Variants in BCAS3 observed in about 807,000 individuals in gnomAD.
BCAS3 encodes BCAS3 microtubule associated cell migration factor, also known as BCAS4/BCAS3 fusion.
Under a neutral mutation model 116.1 loss-of-function variants are expected in BCAS3, and 53 were observed. That is an observed-to-expected ratio of 0.46 (90% confidence interval 0.37 to 0.57). The LOEUF (loss-of-function observed/expected upper bound fraction) is 0.57. BCAS3 is among the 20% of genes least tolerant of loss of function. The pLI, the probability that BCAS3 is intolerant of heterozygous loss-of-function variation, is 0.00. For synonymous variants in BCAS3, 391 were observed against 408.2 expected (o/e 0.96, Z 0.51); for missense variants, 917 against 1,165.4 (o/e 0.79, Z 3.10).
intron 22 of BCAS3, among the ~76,000 whole-genome samples, chr17:61,322,812 G>C (rs913946237): frequency 1.5e-5 from 2 of 131,358 alleles, no homozygotes; most frequent in East Asian, 2.1e-4. Context: ...GAGAGAGAGA[G>C]AGAGAGAGAG....
At chr17:60,943,547 C>A (rs751568508) in intron 13 of BCAS3, among the ~76,000 whole-genome samples, 7 of 152,008 alleles carry the variant, frequency 4.6e-5, no homozygotes, top group Non-Finnish European at 1.0e-4. Flanking sequence ...TGTGTATGAA[C>A]CTTGCTCTAA....
At chr17:61,025,438 A>G (rs1193656149) in intron 16 of BCAS3, among the ~76,000 whole-genome samples, 1 of 152,086 alleles carries the variant, frequency 6.6e-6, no homozygotes, top group Admixed American at 6.6e-5. Flanking sequence ...CTGCATTGTA[A>G]CATAATCTCA....
intron 19 of BCAS3, among the ~76,000 whole-genome samples, chr17:61,047,963 A>G (rs562648143): frequency 6.6e-6 from 1 of 152,044 alleles, no homozygotes; most frequent in Non-Finnish European, 1.5e-5. Context: ...GTTCCTCTGT[A>G]AACTTACTGA....
chr17:61,022,171 C>T (rs982286617), intron 16 of BCAS3, among the ~76,000 whole-genome samples: 2 of 152,148 alleles, frequency 1.3e-5, no homozygotes, highest in African/African-American at 4.8e-5. Context: ...AGTACTTAAA[C>T]CACACCATAC....
At position 61,344,916 on chromosome 17, in the gene BCAS3, TACACAC is replaced by T. The variant is rs143541906; in HGVS notation, c.2426-23399_2426-23394del. The stretch of plus-strand genomic sequence containing the variant: ...TATTTTATGATTCCTGGATCGGAAA[TACACAC>T]ACACACACACATACACACACACACA... On this transcript the variant is annotated intron_variant, in intron 22 of 23. Coordinates refer to ENST00000407086, the MANE Select transcript of BCAS3 (RefSeq NM_017679.5). This position sits in a 1 kb window ranked among gnomAD's most constrained non-coding sequence, Gnocchi z 4.1. Among the ~76,000 whole-genome samples, 1 of 149,966 alleles carries T rather than the reference TACACAC, an allele frequency of 6.7e-6. No homozygotes were observed. The highest frequency in any genetic ancestry group is 1.5e-5 in the Non-Finnish European group (1 of 67,408).
At chr17:60,746,728 CAATT>C (rs1224942578) in intron 5 of BCAS3, among the ~76,000 whole-genome samples, 4 of 152,114 alleles carry the variant, frequency 2.6e-5, no homozygotes, top group African/African-American at 9.7e-5. Flanking sequence ...GGTTAACAGA[CAATT>C]AGTTGCCTAA....
rs771204621 is a variant in BCAS3, at chr17:61,381,970, A to C, written c.2594-10007A>C. ...CTGGGTAGCAGCCACAGCCGCAATA[A>C]GTCATTAACTTTCAGGACAGCTTGT... On this transcript the variant is annotated intron_variant, in intron 23 of 23. Transcript: ENST00000407086. The surrounding 1 kb of genome is among the most constrained non-coding windows in gnomAD (Gnocchi z 6.0). Among the ~76,000 whole-genome samples the C allele has an allele frequency of 5.9e-5, 9 of 152,198 alleles. No individual in the cohort carries two copies. The highest frequency in any genetic ancestry group is 1.2e-4 in the Non-Finnish European group (8 of 68,046).
intron 19 of BCAS3, among the ~76,000 whole-genome samples, chr17:61,042,754 G>A (rs977634584): frequency 2.6e-5 from 4 of 151,304 alleles, no homozygotes; most frequent in African/African-American, 9.7e-5. Flanking sequence ...GCCGGGTGTG[G>A]TGGTGCATGC....
At chr17:61,080,444 T>TCTTCTTAAAGAATGAA (rs1290318730) in intron 21 of BCAS3, among the ~76,000 whole-genome samples, 3 of 152,012 alleles carry the variant, frequency 2.0e-5, no homozygotes, top group Admixed American at 2.0e-4. Flanking sequence ...GACTGATGTA[T>TCTTCTTAAAGAATGAA]CTTCTTAAAG....
chr17:60,941,040 G>C (rs1472210361), intron 13 of BCAS3, among the ~76,000 whole-genome samples: 1 of 152,186 alleles, frequency 6.6e-6, no homozygotes, highest in Non-Finnish European at 1.5e-5. Flanking sequence ...TCAGTCTCCA[G>C]CTACCTCAGA....
chr17:61,221,186 C>T (rs183181698), intron 22 of BCAS3, among the ~76,000 whole-genome samples: 5 of 152,242 alleles, frequency 3.3e-5, no homozygotes, highest in African/African-American at 9.6e-5. Context: ...TGTTTCTCTA[C>T]ATCACTTTCC....
chr17:60,858,617 A>G (rs35768567), intron 7 of BCAS3, among the ~76,000 whole-genome samples: 8 of 152,172 alleles, frequency 5.3e-5, no homozygotes, highest in Non-Finnish European at 8.8e-5. Context: ...TAAAATACCT[A>G]GTTGTGACAT....
At chr17:61,111,671 T>C (rs1356723851) in intron 22 of BCAS3, among the ~76,000 whole-genome samples, 2 of 142,920 alleles carry the variant, frequency 1.4e-5, no homozygotes, top group South Asian at 2.4e-4. Context: ...TGCAGGATAT[T>C]ATCCAGGAGA....
At chr17:61,016,030 G>A (rs553118191) in intron 16 of BCAS3, 129 bp downstream of exon 16, 4 of 980,900 alleles carry the variant, frequency 4.1e-6, no homozygotes, top group African/African-American at 3.3e-5. Flanking sequence ...AGACTTAATG[G>A]CATCAGATTA....
rs77251612 is a variant in BCAS3, at chr17:60,910,176, T to C, written c.823-356T>C. Among the ~76,000 whole-genome samples the C allele has an allele frequency of 1.9e-3, 286 of 152,304 alleles. 1 individual carries two copies. The highest frequency in any genetic ancestry group is 9.5e-3 in the East Asian group (49 of 5,182). ...ATTTCATAGTTTCTACTTCTTCCTA[T>C]GTCATTGATTTTAAGATGTATACAT... On this transcript the variant is annotated intron_variant, in intron 11 of 23. Coordinates refer to ENST00000407086, the MANE Select transcript of BCAS3 (RefSeq NM_017679.5).
Position 61,367,568 on chromosome 17 carries a change from A to G in BCAS3, c.2426-759A>G, listed in dbSNP as rs951451588. On this transcript the variant is annotated intron_variant, in intron 22 of 23. Coordinates refer to ENST00000407086, the MANE Select transcript of BCAS3 (RefSeq NM_017679.5). The surrounding 1 kb of genome is among the most constrained non-coding windows in gnomAD (Gnocchi z 6.2). The stretch of plus-strand genomic sequence containing the variant: ...CCAAAGTAATTCCCTGGTTGTTCAT[A>G]TGCCCTTGGGTAGCTGGGAGACCAG... 6.6e-6 allele frequency: 1 copy of G among 152,172 alleles called. No homozygotes were observed. The highest frequency in any genetic ancestry group is 6.5e-5 in the Admixed American group (1 of 15,282). The allele number at this position is 152,172 out of a possible 1,614,324, so 9.4% of individuals were successfully genotyped here.
At chr17:60,728,941 TG>T (rs904475172) in intron 5 of BCAS3, among the ~76,000 whole-genome samples, 6 of 152,232 alleles carry the variant, frequency 3.9e-5, no homozygotes, top group Non-Finnish European at 7.3e-5. Flanking sequence ...AAACCACCAT[TG>T]GGGAGAAAAT....
chr17:60,872,338 C>T (rs1030183026), intron 8 of BCAS3, among the ~76,000 whole-genome samples: 1 of 151,466 alleles, frequency 6.6e-6, no homozygotes, highest in Non-Finnish European at 1.5e-5. Flanking sequence ...TGTATATGCA[C>T]ACATACACAC....
At chr17:61,110,712 C>CGGGAA (rs1301053788) in intron 22 of BCAS3, among the ~76,000 whole-genome samples, 1 of 148,288 alleles carries the variant, frequency 6.7e-6, no homozygotes, top group Non-Finnish European at 1.5e-5. Flanking sequence ...ACAAAGCAGC[C>CGGGAA]GGGAAGCTCC....
Sources: allele counts gnomAD v4.1 joint callset (sites outside exome capture counted in the v4.1 genomes callset), GRCh38; gene constraint gnomAD v4.1.1; non-coding constraint Gnocchi (gnomAD v3.1); transcripts MANE v1.5; gene names NCBI Gene and HGNC (gene_info 2026-07-23, HGNC 2026-07-21).